UBN1: variants seen among roughly 807,000 people sequenced by gnomAD.
UBN1 encodes the protein ubinuclein 1, also known as ubinuclein-1.
A neutral mutation model predicts 108.5 loss-of-function variants in UBN1; 17 were observed. The observed-to-expected ratio is 0.16, with a 90% CI of 0.11 to 0.24. The LOEUF is 0.24. Among genes scored for constraint, UBN1 ranks in the 10% least tolerant of loss-of-function variants. The probability of loss-of-function intolerance (pLI) is 1.00; values close to 1 mark genes in which losing one functional copy is unlikely to be tolerated. For missense variants in UBN1, 1,595 were observed against 1,394.4 expected (o/e 1.14, Z -2.29); for synonymous variants, 726 against 564.2 (o/e 1.29, Z -4.07).
Position 4,875,366 on chromosome 16 carries a change from A to G in UBN1, c.2956A>G (p.Lys986Glu). The change falls in exon 15 of 18, where the codon AAG (lysine) becomes GAG (glutamate). Residue 986 changes from lysine to glutamate, a missense_variant. Lys to Glu is a moderately conservative substitution (Grantham distance 56, BLOSUM62 1). Coordinates refer to ENST00000262376, the MANE Select transcript of UBN1 (RefSeq NM_001079514.3). The part of the protein sequence containing the change: ...DSSGGTQGVA[K>E]LLTSPSLKPS... ...CAGTGGTGGGACCCAGGGAGTGGCA[A>G]AGTTGCTGACCTCGCCGTCCCTAAA... is the stretch of plus-strand genomic sequence containing the variant. The G allele has an allele frequency of 6.2e-7, 1 of 1,614,188 alleles. No homozygotes were observed. The highest frequency in any genetic ancestry group is 8.5e-7 in the Non-Finnish European group (1 of 1,180,036).
Position 4,875,154 on chromosome 16 carries a change from C to T in UBN1, c.2744C>T (p.Ser915Phe), listed in dbSNP as rs771385548. Residue 915 changes from serine (S) to phenylalanine (F), a missense_variant, in exon 15 of 18, where the codon TCT becomes TTT. Physicochemically the swap from Ser to Phe is radical, Grantham distance 155. Transcript: ENST00000262376. ...ASSISKHGVS[S>F]GSSSSGGTPV... ...TCAATCTCCAAACATGGGGTTTCTT[C>T]TGGCAGCTCTTCCTCGGGAGGAACA... 1 of 1,614,242 alleles carries T rather than the reference C, an allele frequency of 6.2e-7. No homozygotes were observed. Among genetic ancestry groups the T allele is most frequent in the South Asian group, 1.1e-5 (1 of 91,090 alleles).
rs867024352 is a variant in UBN1 at position 4,874,711 on chromosome 16, T to G, written c.2301T>G (p.Ala767=). 5 of 1,613,900 alleles carry G rather than the reference T, an allele frequency of 3.1e-6. No homozygotes were observed. In the African/African-American group the frequency reaches 6.7e-5, roughly 22 times the overall value. Residue 767 remains alanine (A), a synonymous_variant, in exon 15 of 18, where the codon GCT becomes GCG. Coordinates refer to ENST00000262376, the MANE Select transcript of UBN1 (RefSeq NM_001079514.3). ...GCTACAAAGAGCTGTCCTGCCAGGC[T>G]CCCCTCAATAAGGGCCTGCCAGAAG... is the stretch of plus-strand genomic sequence containing the variant. ...SSGYKELSCQ[A]PLNKGLPEVH...
At chr16:4,850,892 A>T (rs1471249427) in intron 1 of UBN1, among the ~76,000 whole-genome samples, 2 of 152,242 alleles carry the variant, frequency 1.3e-5, no homozygotes, top group East Asian at 3.8e-4. Flanking sequence ...CATAGGCTGG[A>T]ATGGCAAAGT....
At position 4,858,002 on chromosome 16, in the gene UBN1, T is replaced by G; in HGVS notation, c.262T>G (p.Ser88Ala). 1 of 1,612,466 alleles carries G rather than the reference T, an allele frequency of 6.2e-7. No homozygotes were observed. The highest frequency in any genetic ancestry group is 8.5e-7 in the Non-Finnish European group (1 of 1,179,158). The change falls in exon 3 of 18, where the codon TCA becomes GCA. Residue 88 changes from serine (S) to alanine (A), a missense_variant. Physicochemically the swap from Ser to Ala is moderately conservative, Grantham distance 99 (BLOSUM62 1). This residue lies in a region of UBN1 where 181 missense variants were observed against 157.3 expected (regional missense o/e 1.15). Transcript: ENST00000262376. The part of the protein sequence containing the change: ...LQPGDKKKDL[S>A]DPFNDEEKER... ...GATCTCTTTACAGAAGAAAGATCTG[T>G]CAGATCCTTTCAATGACGAAGAAAA...
chr16:4,850,003 C>A (rs2086480730), intron 1 of UBN1, among the ~76,000 whole-genome samples: 1 of 146,550 alleles, frequency 6.8e-6, no homozygotes, highest in South Asian at 2.2e-4. Context: ...AGGACTTAGG[C>A]AACTCTCGTA....
Position 4,877,337 on chromosome 16 carries a change from C to T in UBN1, c.3266-48C>T, listed in dbSNP as rs762299074. Reference sequence around the variant, plus strand: ...GCTGGAGCTGCTTTCCTGTTCCTGTCTTCAATGTGTGTGTTTTGTTCTTTT... The same window carrying T: ...GCTGGAGCTGCTTTCCTGTTCCTGTTTTCAATGTGTGTGTTTTGTTCTTTT... On this transcript the variant is annotated intron_variant, in intron 16 of 17. Transcript: ENST00000262376. The surrounding 1 kb of genome is among the most constrained non-coding windows in gnomAD (Gnocchi z 4.3). 34 of 1,584,310 alleles carry T rather than the reference C, an allele frequency of 2.1e-5. No homozygotes were observed. In the South Asian group the frequency reaches 2.2e-4, roughly 10 times the overall value.
intron 1 of UBN1, among the ~76,000 whole-genome samples, chr16:4,849,957 A>AAAAAAAAAAC (rs1197977482): frequency 6.8e-6 from 1 of 147,388 alleles, no homozygotes; most frequent in Non-Finnish European, 1.5e-5. Context: ...CACAAAAAAA[A>AAAAAAAAAAC]AAAAAAAAAC....
chr16:4,849,480 A>G (rs1463030077), intron 1 of UBN1, among the ~76,000 whole-genome samples: 2 of 152,054 alleles, frequency 1.3e-5, no homozygotes, highest in South Asian at 2.1e-4. Context: ...AAGGAGATAT[A>G]TATATATATA....
chr16:4,854,126 C>T (rs1001708551), intron 2 of UBN1, among the ~76,000 whole-genome samples: 5 of 151,900 alleles, frequency 3.3e-5, no homozygotes, highest in Non-Finnish European at 5.9e-5. Flanking sequence ...CTCTGCCTCC[C>T]GGGTTCACGC....
chr16:4,875,532 C>T, intron 15 of UBN1, 98 bp downstream of exon 15: 1 of 1,489,330 alleles, frequency 6.7e-7, no homozygotes, highest in Non-Finnish European at 9.0e-7. Flanking sequence ...GATCTAAAAC[C>T]ACAGGTCAGG....
intron 7 of UBN1, among the ~76,000 whole-genome samples, chr16:4,862,175 G>A (rs979973975): frequency 3.3e-5 from 5 of 152,158 alleles, no homozygotes; most frequent in Non-Finnish European, 7.3e-5. Context: ...TACAGCTGTA[G>A]GTTTTAAATC....
chr16:4,853,622 A>G lies in UBN1; in HGVS notation c.249+456A>G, dbSNP rs374699863. Among the ~76,000 whole-genome samples, 18 of 148,224 alleles carry G rather than the reference A, an allele frequency of 1.2e-4. No homozygotes were observed. In the East Asian group the frequency reaches 2.2e-3, roughly 18 times the overall value. ...GTCCAGGCTGGAATGCAATGGGGCG[A>G]TCTCGGCTCACTGTAACCTCCGCCT... is the stretch of plus-strand genomic sequence containing the variant. On this transcript the variant is annotated intron_variant, in intron 2 of 17. Coordinates refer to ENST00000262376, the MANE Select transcript of UBN1 (RefSeq NM_001079514.3).
intron 2 of UBN1, among the ~76,000 whole-genome samples, chr16:4,856,194 A>G (rs1596479156): frequency 1.3e-5 from 2 of 152,360 alleles, no homozygotes; most frequent in South Asian, 4.1e-4. Context: ...CTGAAATTAG[A>G]ACTCCAGTGC....
chr16:4,863,666 C>T (rs9923205), intron 7 of UBN1, among the ~76,000 whole-genome samples: 6,342 of 152,120 alleles, frequency 0.042, 438 homozygotes, highest in African/African-American at 0.14. Flanking sequence ...CATCTTGGCC[C>T]TAGGTGACAC....
At chr16:4,863,095 C>G (rs1289764238) in intron 7 of UBN1, among the ~76,000 whole-genome samples, 1 of 152,070 alleles carries the variant, frequency 6.6e-6, no homozygotes, top group Non-Finnish European at 1.5e-5. Flanking sequence ...TCCATCCGGC[C>G]AATATAAAAA....
At chr16:4,854,565 C>A (rs1223879582) in intron 2 of UBN1, among the ~76,000 whole-genome samples, 2 of 147,000 alleles carry the variant, frequency 1.4e-5, no homozygotes, top group Non-Finnish European at 3.0e-5. Context: ...CCATTTTAAC[C>A]ATGTAGGCCA....
Position 4,848,122 on chromosome 16 carries a change from C to G in UBN1, c.-128C>G, listed in dbSNP as rs1596459271. ...CCCGCTGGGAGCCACGGCTTAGCAG[C>G]CGACCGCTAGCTGCGCCGCCGCCCG... is the stretch of plus-strand genomic sequence containing the variant. On this transcript the variant is annotated 5_prime_UTR_variant, in exon 1 of 18. Coordinates refer to ENST00000262376, the MANE Select transcript of UBN1 (RefSeq NM_001079514.3). 6.6e-6 allele frequency: 1 copy of G among 152,082 alleles called. No homozygotes were observed. The highest frequency in any genetic ancestry group is 1.5e-5 in the Non-Finnish European group (1 of 68,024). The allele number at this position is 152,082 out of a possible 1,614,324, so 9.4% of individuals were successfully genotyped here.
In UBN1 at chr16:4,882,131, C is replaced by G. The variant is rs2088091244; in HGVS notation, c.*1999C>G. On this transcript the variant is annotated 3_prime_UTR_variant, in exon 18 of 18. Coordinates refer to ENST00000262376, the MANE Select transcript of UBN1 (RefSeq NM_001079514.3). ...ACTGAACAGCCATGGCAAGGCAGACCTACAGGCGAGGCCGCAGCAGAGGGT... is the reference window on the plus strand; with the variant it reads ...ACTGAACAGCCATGGCAAGGCAGACGTACAGGCGAGGCCGCAGCAGAGGGT... 1 of 152,546 alleles carries G rather than the reference C, an allele frequency of 6.6e-6. No individual in the cohort carries two copies. The highest frequency in any genetic ancestry group is 1.5e-5 in the Non-Finnish European group (1 of 68,034). 9.4% of individuals were successfully genotyped at this position (152,546 alleles called of 1,614,324 possible).
chr16:4,857,345 T>C (rs560620310), intron 2 of UBN1, among the ~76,000 whole-genome samples: 40 of 142,444 alleles, frequency 2.8e-4, no homozygotes, highest in African/African-American at 1.0e-3. Context: ...AGTGAGACTC[T>C]TATCTCAAAA....
Sources: allele counts gnomAD v4.1 joint callset (sites outside exome capture counted in the v4.1 genomes callset), GRCh38; gene constraint gnomAD v4.1.1; regional missense constraint gnomAD v4.1.1; non-coding constraint Gnocchi (gnomAD v3.1); transcripts MANE v1.5; gene names NCBI Gene and HGNC (gene_info 2026-07-23, HGNC 2026-07-21).